Variants in CTNNA2 observed in about 807,000 individuals in gnomAD.
CTNNA2 encodes the protein catenin alpha-2.
Under a neutral mutation model 101.0 loss-of-function variants are expected in CTNNA2, and 42 were observed. The observed-to-expected ratio is 0.42, with a 90% CI of 0.32 to 0.54. The LOEUF (loss-of-function observed/expected upper bound fraction) is 0.54, where lower values mean the gene tolerates loss of function less well. CTNNA2 is among the 20% of genes least tolerant of loss of function. The pLI is 0.14. For missense variants in CTNNA2, 871 were observed against 1,223.1 expected (o/e 0.71, Z 4.29); for synonymous variants, 450 against 456.4 (o/e 0.99, Z 0.18).
chr2:79,385,872 T>C (rs1486381071), intron 4 of CTNNA2, among the ~76,000 whole-genome samples: 3 of 152,232 alleles, frequency 2.0e-5, no homozygotes, highest in Non-Finnish European at 2.9e-5. Flanking sequence ...CATGTTCTTT[T>C]TTATGGCTAC....
intron 7 of CTNNA2, among the ~76,000 whole-genome samples, chr2:80,025,955 ACAAG>A (rs1039891947): frequency 1.3e-5 from 2 of 152,226 alleles, no homozygotes; most frequent in Non-Finnish European, 2.9e-5. Context: ...GCAAAAAGAC[ACAAG>A]CAACATAAGT....
intron 7 of CTNNA2, among the ~76,000 whole-genome samples, chr2:80,229,395 C>T (rs1304922719): frequency 6.6e-6 from 1 of 151,622 alleles, no homozygotes; most frequent in East Asian, 1.9e-4. Context: ...AATCTTCTCC[C>T]CAGGTTTAAT....
intron 1 of CTNNA2, among the ~76,000 whole-genome samples, chr2:79,193,825 T>A (rs1427687977): frequency 1.3e-5 from 2 of 152,226 alleles, no homozygotes; most frequent in Non-Finnish European, 2.9e-5. Flanking sequence ...TTATATTCTA[T>A]ACCTCAGTTT....
intron 7 of CTNNA2, among the ~76,000 whole-genome samples, chr2:79,938,842 G>T (rs1372875020): frequency 1.3e-5 from 2 of 152,090 alleles, no homozygotes; most frequent in Non-Finnish European, 2.9e-5. Context: ...ATTTTAATTG[G>T]GTTTTAAAGC....
chr2:79,276,776 A>C (rs1393071974), intron 2 of CTNNA2, among the ~76,000 whole-genome samples: 1 of 152,012 alleles, frequency 6.6e-6, no homozygotes, highest in African/African-American at 2.4e-5. Flanking sequence ...TTTAAAAAAA[A>C]TTGTCCCCTT....
chr2:79,284,057 G>C (rs1675481126), intron 2 of CTNNA2, among the ~76,000 whole-genome samples: 3 of 26,290 alleles, frequency 1.1e-4, no homozygotes, highest in Non-Finnish European at 6.7e-5. Flanking sequence ...TTGGCTCTCT[G>C]TTTGTCTGTT....
chr2:79,911,467 T>C (rs1047539123), intron 7 of CTNNA2, among the ~76,000 whole-genome samples: 2 of 152,216 alleles, frequency 1.3e-5, no homozygotes, highest in African/African-American at 4.8e-5. Flanking sequence ...AAATAAGAGT[T>C]GATCAACACG....
intron 2 of CTNNA2, among the ~76,000 whole-genome samples, chr2:79,277,639 T>G (rs1290260389): frequency 6.6e-6 from 1 of 152,110 alleles, no homozygotes; most frequent in African/African-American, 2.4e-5. Flanking sequence ...TTTTACACAT[T>G]AAAAAATTGA....
At chr2:79,457,257 T>C (rs1052371386) in intron 4 of CTNNA2, among the ~76,000 whole-genome samples, 1 of 151,870 alleles carries the variant, frequency 6.6e-6, no homozygotes, top group Non-Finnish European at 1.5e-5. Context: ...GGGAAATATT[T>C]TGGAATAACA....
At chr2:79,994,053 G>A (rs955004203) in intron 7 of CTNNA2, among the ~76,000 whole-genome samples, 3 of 152,004 alleles carry the variant, frequency 2.0e-5, no homozygotes, top group African/African-American at 7.2e-5. Flanking sequence ...GACCAGAGGT[G>A]TGCACCACCA....
At chr2:80,217,836 C>CA (rs1708357380) in intron 7 of CTNNA2, among the ~76,000 whole-genome samples, 1 of 152,170 alleles carries the variant, frequency 6.6e-6, no homozygotes, top group African/African-American at 2.4e-5. Context: ...ATTCTGCACA[C>CA]CTGAGCCTCC....
intron 7 of CTNNA2, among the ~76,000 whole-genome samples, chr2:80,391,868 G>T (rs1016415433): frequency 1.3e-5 from 2 of 152,218 alleles, no homozygotes; most frequent in African/African-American, 4.8e-5. Flanking sequence ...ATCTGAAAGA[G>T]TGAGTGTGTG....
At chr2:80,256,985 G>C (rs566536273) in intron 7 of CTNNA2, among the ~76,000 whole-genome samples, 4 of 152,226 alleles carry the variant, frequency 2.6e-5, no homozygotes, top group Admixed American at 2.6e-4. Context: ...TTTGTAGGAA[G>C]GATGACCTCA....
chr2:79,914,974 G>A (rs550119940), intron 7 of CTNNA2, among the ~76,000 whole-genome samples: 140 of 151,786 alleles, frequency 9.2e-4, no homozygotes, highest in African/African-American at 3.1e-3. Flanking sequence ...GTTCCTGAAG[G>A]AGCCCACTTG....
chr2:79,321,793 GCA>G (rs59806501), intron 3 of CTNNA2, among the ~76,000 whole-genome samples: 2,044 of 148,840 alleles, frequency 0.014, 13 homozygotes, highest in Non-Finnish European at 0.017. Flanking sequence ...CACTGTGTTT[GCA>G]CACACACACA....
intron 4 of CTNNA2, among the ~76,000 whole-genome samples, chr2:79,500,260 T>C (rs1671304728): frequency 6.6e-6 from 1 of 152,228 alleles, no homozygotes; most frequent in Non-Finnish European, 1.5e-5. Flanking sequence ...CTTCACTTCA[T>C]AGCTTTTTTC....
chr2:80,005,579 C>T (rs17018419), intron 7 of CTNNA2, among the ~76,000 whole-genome samples: 7,584 of 152,134 alleles, frequency 0.05, 405 homozygotes, highest in African/African-American at 0.13. Context: ...CAGCCTGGGT[C>T]GGCCAAGGAG....
intron 6 of CTNNA2, among the ~76,000 whole-genome samples, chr2:79,889,350 T>C (rs1684140229): frequency 6.6e-6 from 1 of 152,226 alleles, no homozygotes; most frequent in African/African-American, 2.4e-5. Flanking sequence ...TCTCTGATAC[T>C]GTCTTTTTTT....
chr2:80,084,585 A>G (rs1699332219), intron 7 of CTNNA2, among the ~76,000 whole-genome samples: 1 of 152,114 alleles, frequency 6.6e-6, no homozygotes, highest in Non-Finnish European at 1.5e-5. Flanking sequence ...TAGTTATTAT[A>G]TTGCTTACTG....
Sources: gnomAD v4.1 joint callset for allele counts (sites outside exome capture counted in the v4.1 genomes callset) on GRCh38, gnomAD v4.1.1 for gene constraint, MANE v1.5 for transcripts, NCBI Gene and HGNC (gene_info 2026-07-23, HGNC 2026-07-21) for gene names.